Variants in CDH18 observed in about 807,000 individuals in gnomAD.
The protein encoded by CDH18 is cadherin-18.
Under a neutral mutation model 67.9 loss-of-function variants are expected in CDH18, and 31 were observed. That is an observed-to-expected ratio of 0.46 (90% CI 0.34 to 0.62). The LOEUF (loss-of-function observed/expected upper bound fraction) is 0.62, where lower values mean the gene tolerates loss of function less well. CDH18 is among the 20% of genes least tolerant of loss of function. The pLI, the probability that CDH18 is intolerant of heterozygous loss-of-function variation, is 0.01. For missense variants in CDH18, 890 were observed against 975.5 expected, an observed-to-expected ratio of 0.91 and a Z score of 1.17; for synonymous variants, 362 against 347.2, an observed-to-expected ratio of 1.04 and a Z score of -0.48.
At chr5:19,850,274 TC>T (rs1783537137) in intron 2 of CDH18, among the ~76,000 whole-genome samples, 1 of 151,896 alleles carries the variant, frequency 6.6e-6, no homozygotes, top group African/African-American at 2.4e-5. Flanking sequence ...GCACTTTTTG[TC>T]CCATTCGTAA....
intron 1 of CDH18, among the ~76,000 whole-genome samples, chr5:20,392,125 G>T (rs1222648124): frequency 6.6e-6 from 1 of 151,646 alleles, no homozygotes; most frequent in Non-Finnish European, 1.5e-5. Context: ...TCTGAGAGTA[G>T]AAAATAACAC....
intron 5 of CDH18, among the ~76,000 whole-genome samples, chr5:19,653,767 C>G (rs116320957): frequency 0.01 from 1,553 of 152,266 alleles, 25 homozygotes; most frequent in African/African-American, 0.036. Context: ...CCTCTCCTAT[C>G]AACTCCTAGG....
chr5:19,820,916 C>T (rs1405496639), intron 3 of CDH18, among the ~76,000 whole-genome samples: 3 of 151,850 alleles, frequency 2.0e-5, no homozygotes, highest in African/African-American at 7.3e-5. Context: ...ATCAAACACA[C>T]AACAGGAAAA....
At chr5:19,711,674 T>C (rs1484553607) in intron 5 of CDH18, among the ~76,000 whole-genome samples, 1 of 117,078 alleles carries the variant, frequency 8.5e-6, no homozygotes, top group African/African-American at 3.2e-5. Flanking sequence ...AAAAAGCAAA[T>C]GTTGGAAACA....
intron 2 of CDH18, among the ~76,000 whole-genome samples, chr5:19,876,152 T>C (rs1371722122): frequency 6.6e-6 from 1 of 151,912 alleles, no homozygotes; most frequent in Non-Finnish European, 1.5e-5. Context: ...CATTTACTAT[T>C]ATATGGGACT....
chr5:20,393,449 G>A (rs1745031977), intron 1 of CDH18, among the ~76,000 whole-genome samples: 2 of 151,952 alleles, frequency 1.3e-5, no homozygotes, highest in Admixed American at 1.3e-4. Flanking sequence ...GAACATTTGT[G>A]TGCCTTTCTT....
chr5:19,805,423 A>G (rs1777940635), intron 3 of CDH18, among the ~76,000 whole-genome samples: 2 of 151,868 alleles, frequency 1.3e-5, no homozygotes, highest in African/African-American at 4.8e-5. Context: ...TCCCCTTTGA[A>G]GTTTTTGTTC....
chr5:19,849,464 T>C (rs1196797506), intron 2 of CDH18, among the ~76,000 whole-genome samples: 1 of 151,466 alleles, frequency 6.6e-6, no homozygotes, highest in Non-Finnish European at 1.5e-5. Context: ...GAGGAAAGAA[T>C]TGAACCACCA....
intron 1 of CDH18, among the ~76,000 whole-genome samples, chr5:20,323,858 A>G (rs1561971145): frequency 6.6e-6 from 1 of 152,230 alleles, no homozygotes; most frequent in South Asian, 2.1e-4. Flanking sequence ...TTTCTTTCAA[A>G]TATCCAGAAT....
At chr5:20,540,334 C>A (rs1756985595) in intron 1 of CDH18, among the ~76,000 whole-genome samples, 1 of 151,942 alleles carries the variant, frequency 6.6e-6, no homozygotes, top group African/African-American at 2.4e-5. Flanking sequence ...AAATGAATTG[C>A]AGAAAAATCT....
At chr5:19,534,240 T>C (rs908807081) in intron 9 of CDH18, among the ~76,000 whole-genome samples, 1 of 152,086 alleles carries the variant, frequency 6.6e-6, no homozygotes, top group African/African-American at 2.4e-5. Flanking sequence ...CATCCACTTA[T>C]GGACAAATTT....
intron 1 of CDH18, among the ~76,000 whole-genome samples, chr5:20,483,196 G>GA (rs1752934745): frequency 6.6e-6 from 1 of 151,454 alleles, no homozygotes. Flanking sequence ...AAATACCTAG[G>GA]AAAAAACTTA....
chr5:20,339,600 C>T (rs543534598), intron 1 of CDH18, among the ~76,000 whole-genome samples: 1 of 152,148 alleles, frequency 6.6e-6, no homozygotes, highest in East Asian at 1.9e-4. Context: ...TCCAGGACTT[C>T]CTAGAACCCC....
At chr5:20,291,585 T>C (rs1354661193) in intron 1 of CDH18, among the ~76,000 whole-genome samples, 2 of 152,176 alleles carry the variant, frequency 1.3e-5, no homozygotes, top group Admixed American at 1.3e-4. Flanking sequence ...GTCACTTGGC[T>C]GTATAGAAAG....
At chr5:20,341,370 C>A (rs531715083) in intron 1 of CDH18, among the ~76,000 whole-genome samples, 2 of 152,190 alleles carry the variant, frequency 1.3e-5, no homozygotes, top group South Asian at 4.2e-4. Flanking sequence ...AGGGTGCTTC[C>A]TGCCCTCTAA....
chr5:20,358,811 T>A (rs1741840812), intron 1 of CDH18, among the ~76,000 whole-genome samples: 1 of 152,064 alleles, frequency 6.6e-6, no homozygotes, highest in Non-Finnish European at 1.5e-5. Context: ...CAAATGTCCA[T>A]ACTATATATT....
chr5:19,925,449 CGA>C (rs1159890406), intron 2 of CDH18, among the ~76,000 whole-genome samples: 3 of 152,048 alleles, frequency 2.0e-5, no homozygotes, highest in Non-Finnish European at 4.4e-5. Context: ...ATTGGGGAGA[CGA>C]ACTCATCACA....
intron 5 of CDH18, among the ~76,000 whole-genome samples, chr5:19,642,215 G>A (rs1754101614): frequency 6.6e-6 from 1 of 151,826 alleles, no homozygotes; most frequent in African/African-American, 2.4e-5. Flanking sequence ...TATACCCACG[G>A]ATTAGAAGAA....
chr5:20,152,172 TAC>T (rs1751170495), intron 2 of CDH18, among the ~76,000 whole-genome samples: 1 of 136,560 alleles, frequency 7.3e-6, no homozygotes, highest in Non-Finnish European at 1.6e-5. Flanking sequence ...ATATATAAAA[TAC>T]ATATAATTAT....
Sources: allele counts gnomAD v4.1 joint callset (sites outside exome capture counted in the v4.1 genomes callset), GRCh38; gene constraint gnomAD v4.1.1; transcripts MANE v1.5; gene names NCBI Gene and HGNC (gene_info 2026-07-23, HGNC 2026-07-21).